The following SLCO5A1 variants were observed in gnomAD, a reference collection of about 807,000 sequenced individuals.
SLCO5A1 encodes the protein organic anion transporter polypeptide-related protein 4.
A neutral mutation model predicts 65.1 loss-of-function variants in SLCO5A1; 39 were observed. The observed-to-expected ratio is 0.60, with a 90% confidence interval of 0.46 to 0.78. The LOEUF (loss-of-function observed/expected upper bound fraction) is 0.78. Among genes scored for constraint, SLCO5A1 ranks in the 30% least tolerant of loss-of-function variants. SLCO5A1 has a pLI of 0.00. For missense variants in SLCO5A1, 1,029 were observed against 1,069.4 expected, an observed-to-expected ratio of 0.96 and a Z score of 0.53; for synonymous variants, 438 against 415.7, an observed-to-expected ratio of 1.05 and a Z score of -0.65.
intron 6 of SLCO5A1, among the ~76,000 whole-genome samples, chr8:69,684,108 A>G (rs1813905605): frequency 6.6e-6 from 1 of 150,868 alleles, no homozygotes; most frequent in South Asian, 2.1e-4. Context: ...CTCCATAGAA[A>G]AAAAGTATGA....
rs142963409 is a variant in SLCO5A1, at chr8:69,748,777, G to C, written c.1258+6647C>G. Among the ~76,000 whole-genome samples, 233 of 152,266 alleles carry C rather than the reference G, an allele frequency of 1.5e-3. 1 individual carries two copies. The highest frequency in any genetic ancestry group is 4.8e-3 in the Admixed American group (73 of 15,288). On this transcript the variant is annotated intron_variant, in intron 4 of 9. Coordinates refer to ENST00000260126, the MANE Select transcript of SLCO5A1 (RefSeq NM_030958.3). The stretch of plus-strand genomic sequence containing the variant: ...GACCAACAGCTTCAGTATCATCTGG[G>C]AAATTGTTAAAAAATGCTCATTCTC...
chr8:69,816,183 G>T (rs186489850), intron 2 of SLCO5A1, among the ~76,000 whole-genome samples: 1 of 152,042 alleles, frequency 6.6e-6, no homozygotes, highest in African/African-American at 2.4e-5. Flanking sequence ...ATAATTATTG[G>T]ATACTGGGGG....
chr8:69,685,452 G>T (rs1813961297), intron 6 of SLCO5A1, among the ~76,000 whole-genome samples: 1 of 152,152 alleles, frequency 6.6e-6, no homozygotes, highest in South Asian at 2.1e-4. Context: ...CAAACAAAAA[G>T]CATTTCTGGC....
In SLCO5A1 at chr8:69,682,661, C is replaced by A. The variant is rs994284818; in HGVS notation, c.1623-318G>T. ...CTCTGCAATTCCAACCCTAATATAA[C>A]TACTCACTTACTGTAGGCGCCAGGC... On this transcript the variant is annotated intron_variant, in intron 6 of 9. Transcript: ENST00000260126. Among the ~76,000 whole-genome samples, 3 of 152,152 alleles carry A rather than the reference C, an allele frequency of 2.0e-5. No homozygotes were observed. In the East Asian group the frequency reaches 5.8e-4, roughly 29 times the overall value.
At chr8:69,778,025 C>T (rs1474404779) in intron 2 of SLCO5A1, among the ~76,000 whole-genome samples, 3 of 152,144 alleles carry the variant, frequency 2.0e-5, no homozygotes, top group Non-Finnish European at 4.4e-5. Context: ...TATATTCTTG[C>T]AATTGTTCCA....
At position 69,703,118 on chromosome 8, in the gene SLCO5A1, A is replaced by AAAAAAAG. The variant is rs555853929; in HGVS notation, c.1622+1906_1622+1912dup. ...AGAGAGAGACTCTGTTTCAAAAAAA[A>AAAAAAAG]AAAAAAGAAAAAAGAAAAAAAGAAA... On this transcript the variant is annotated intron_variant, in intron 6 of 9. Coordinates refer to ENST00000260126, the MANE Select transcript of SLCO5A1 (RefSeq NM_030958.3). 2.8e-5 allele frequency among the ~76,000 whole-genome samples: 4 copies of AAAAAAAG among 144,032 alleles called. No homozygotes were observed. In the South Asian group the frequency reaches 9.4e-4, roughly 34 times the overall value. 94.5% of individuals were successfully genotyped at this position (144,032 alleles called of 152,430 possible).
In SLCO5A1 at chr8:69,676,476, G is replaced by A. The variant is rs6987237; in HGVS notation, c.2089+133C>T. On this transcript the variant is annotated intron_variant, in intron 9 of 9. Transcript: ENST00000260126. ...GTTCAAATCAGAAAACAAGGAAGTT[G>A]TACCCTCACCACTAGCCTGTAAAAT... 0.012 allele frequency: 7,546 copies of A among 630,178 alleles called. 467 individuals are homozygous for A. The African/African-American group carries it at 0.13, about 11-fold the overall frequency. The allele number at this position is 630,178 out of a possible 1,614,324, so 39.0% of individuals were successfully genotyped here. A position where few individuals can be genotyped will look rare whatever the true frequency, so the allele number is the denominator to read the frequency against.
At position 69,831,799 on chromosome 8, in the gene SLCO5A1, T is replaced by C. The variant is rs753974251; in HGVS notation, c.875A>G (p.Asn292Ser). 4.3e-6 allele frequency: 7 copies of C among 1,613,962 alleles called. No individual in the cohort carries two copies. Among genetic ancestry groups the C allele is most frequent in the Non-Finnish European group, 5.1e-6 (6 of 1,180,018 alleles). Residue 292 changes from asparagine to serine, a missense_variant, in exon 2 of 10, where the codon AAT becomes AGT. Physicochemically the swap from Asn to Ser is conservative, Grantham distance 46. Transcript: ENST00000260126. ...YTLGPTYLDD[N>S]VKKENSSLYL... ...CAAGGAGGAGTTTTCTTTCTTGACA[T>C]TGTCATCTAAGTAGGTTGGTCCCAG...
intron 5 of SLCO5A1, among the ~76,000 whole-genome samples, chr8:69,734,698 A>G (rs1002396591): frequency 3.3e-5 from 5 of 152,226 alleles, no homozygotes; most frequent in Non-Finnish European, 5.9e-5. Flanking sequence ...AACACAACGC[A>G]AACAAATTGC....
At chr8:69,709,546 CACAGAAAAGTAGGAAGGAAA>C (rs1261597065) in intron 5 of SLCO5A1, among the ~76,000 whole-genome samples, 3 of 151,814 alleles carry the variant, frequency 2.0e-5, no homozygotes, top group Admixed American at 6.6e-5. Flanking sequence ...AGTTGAAAAA[CACAGAAAAGTAGGAAGGAAA>C]ACAGAAAAGT....
At chr8:69,717,541 A>C (rs570424979) in intron 5 of SLCO5A1, among the ~76,000 whole-genome samples, 8 of 152,148 alleles carry the variant, frequency 5.3e-5, no homozygotes, top group Non-Finnish European at 8.8e-5. Context: ...GAGTCCTCCA[A>C]CTTTGTTCTT....
intron 2 of SLCO5A1, among the ~76,000 whole-genome samples, chr8:69,796,651 T>TA (rs1270461057): frequency 2.7e-5 from 4 of 147,072 alleles, no homozygotes; most frequent in Non-Finnish European, 4.5e-5. Context: ...CACACACACA[T>TA]ATATACATGT....
chr8:69,782,978 T>C (rs1242984714), intron 2 of SLCO5A1, among the ~76,000 whole-genome samples: 1 of 152,184 alleles, frequency 6.6e-6, no homozygotes, highest in Non-Finnish European at 1.5e-5. Flanking sequence ...AGTTACTTAA[T>C]CCCACTAGAT....
rs1478744266 is a variant in SLCO5A1, at chr8:69,834,772, A to ACACACACACG, written c.-497+81_-497+82insCGTGTGTGTG. 5 of 137,200 alleles carry ACACACACACG rather than the reference A, an allele frequency of 3.6e-5. No homozygotes were observed. In the East Asian group the frequency reaches 1.1e-3, roughly 29 times the overall value. The allele number at this position is 137,200 out of a possible 1,614,324, so 8.5% of individuals were successfully genotyped here. On this transcript the variant is annotated intron_variant, in intron 1 of 9. Coordinates refer to ENST00000260126, the MANE Select transcript of SLCO5A1 (RefSeq NM_030958.3). ...CACACACACACACACACACACACAC[A>ACACACACACG]CACACACAGAGCCCGTGGGAAGACA... is the stretch of plus-strand genomic sequence containing the variant.
At chr8:69,823,588 T>C (rs1323315827) in intron 2 of SLCO5A1, among the ~76,000 whole-genome samples, 21 of 152,264 alleles carry the variant, frequency 1.4e-4, no homozygotes, top group Non-Finnish European at 3.1e-4. Flanking sequence ...ATCCTAAATA[T>C]ATATGCACCC....
At chr8:69,749,481 G>A (rs915476559) in intron 4 of SLCO5A1, among the ~76,000 whole-genome samples, 2 of 152,044 alleles carry the variant, frequency 1.3e-5, no homozygotes, top group African/African-American at 2.4e-5. Flanking sequence ...AGCCAGGTGT[G>A]GGGGTGGGTG....
At chr8:69,681,670 T>C (rs992559024) in intron 7 of SLCO5A1, among the ~76,000 whole-genome samples, 1 of 152,228 alleles carries the variant, frequency 6.6e-6, no homozygotes, top group African/African-American at 2.4e-5. Context: ...GGAAAGGGAA[T>C]TCTCAAAATA....
intron 7 of SLCO5A1, among the ~76,000 whole-genome samples, chr8:69,681,596 A>G (rs1813773214): frequency 6.6e-6 from 1 of 152,222 alleles, no homozygotes; most frequent in East Asian, 1.9e-4. Context: ...TCCATCTCAA[A>G]AAAAAGAAAC....
Position 69,673,141 on chromosome 8 carries a change from A to C in SLCO5A1, c.2275T>G (p.Ser759Ala). 1 of 1,614,250 alleles carries C rather than the reference A, an allele frequency of 6.2e-7. No individual in the cohort carries two copies. Among genetic ancestry groups the C allele is most frequent in the Non-Finnish European group, 8.5e-7 (1 of 1,180,046 alleles). ...AGTCCATCCTCCTTGTATTTTATGG[A>C]GTACCAGGCCAGAAAAATAAAAATA... ...GFIFIFLAWY[S>A]IKYKEDGLQR... Residue 759 changes from serine (S) to alanine (A), a missense_variant, in exon 10 of 10, where the codon TCC becomes GCC. By Grantham distance (99) the Ser-to-Ala change is moderately conservative. Coordinates refer to ENST00000260126, the MANE Select transcript of SLCO5A1 (RefSeq NM_030958.3).
Sources: allele counts gnomAD v4.1 joint callset (sites outside exome capture counted in the v4.1 genomes callset), GRCh38; gene constraint gnomAD v4.1.1; transcripts MANE v1.5; gene names NCBI Gene and HGNC (gene_info 2026-07-23, HGNC 2026-07-21).